The following VWF variants were observed in gnomAD, a reference collection of about 807,000 sequenced individuals.
VWF encodes the protein Factor VIII related antigen.
In VWF, 176 loss-of-function variants were observed where a neutral mutation model predicts 308.6. The observed-to-expected ratio is 0.57, with a 90% CI of 0.50 to 0.65. The LOEUF is 0.65. VWF is among the 30% of genes least tolerant of loss of function. The pLI is 0.00. For synonymous variants in VWF, 1,385 were observed against 1,443.4 expected (o/e 0.96, Z 0.92); for missense variants, 3,146 against 3,648.2 (o/e 0.86, Z 3.55).
chr12:6,056,440 GGGTTT>G (rs1944579525), intron 15 of VWF, among the ~76,000 whole-genome samples: 2 of 152,080 alleles, frequency 1.3e-5, no homozygotes, highest in Admixed American at 1.3e-4. Flanking sequence ...TACAAGCAAA[GGGTTT>G]GTATGTGAAT....
intron 18 of VWF, among the ~76,000 whole-genome samples, chr12:6,039,928 A>G (rs1944379113): frequency 6.6e-6 from 1 of 152,090 alleles, no homozygotes; most frequent in African/African-American, 2.4e-5. Context: ...TTCAAACGGG[A>G]AGTCAGCATC....
At chr12:5,981,556 G>A (rs1483890581) in intron 42 of VWF, among the ~76,000 whole-genome samples, 1 of 152,166 alleles carries the variant, frequency 6.6e-6, no homozygotes, top group Non-Finnish European at 1.5e-5. Flanking sequence ...TTTCCACTCA[G>A]GCTGAGCTGG....
rs1417651109 is a variant in VWF at position 5,985,065 on chromosome 12, C to T, written c.6956G>A (p.Cys2319Tyr). 1 of 1,614,180 alleles carries T rather than the reference C, an allele frequency of 6.2e-7. No homozygotes were observed. Among genetic ancestry groups the T allele is most frequent in the East Asian group, 2.2e-5 (1 of 44,878 alleles). Residue 2319 changes from cysteine (C) to tyrosine (Y), a missense_variant, in exon 40 of 52, where the codon TGC becomes TAC. By Grantham distance (194) the Cys-to-Tyr change is radical (BLOSUM62 -2). Transcript: ENST00000261405. ...VARLRQNADQCCPEYECVCDP... is the reference protein window; with the variant it reads ...VARLRQNADQYCPEYECVCDP... The stretch of plus-strand genomic sequence containing the variant: ...CATACCACACTCATACTCGGGGCAG[C>T]ACTGGTCTGCATTCTGGCGGAGGCG...
At chr12:6,000,806 T>G (rs1328797108) in intron 34 of VWF, among the ~76,000 whole-genome samples, 5 of 104,990 alleles carry the variant, frequency 4.8e-5, no homozygotes. Flanking sequence ...AGCGAGACTC[T>G]GTCTCAAAAA....
chr12:5,964,237 T>TGC, intron 47 of VWF, among the ~76,000 whole-genome samples: 10 of 145,634 alleles, frequency 6.9e-5, no homozygotes, highest in African/African-American at 2.5e-4. Context: ...CATACATACA[T>TGC]ACATACATAC....
At chr12:6,057,511 T>TTATTA (rs1565847185) in intron 14 of VWF, among the ~76,000 whole-genome samples, 19 of 145,504 alleles carry the variant, frequency 1.3e-4, no homozygotes, top group Admixed American at 9.0e-4. Context: ...ATTATTATTA[T>TTATTA]TATTATTATT....
At chr12:5,999,595 A>G (rs1275382960) in intron 34 of VWF, among the ~76,000 whole-genome samples, 1 of 152,176 alleles carries the variant, frequency 6.6e-6, no homozygotes, top group African/African-American at 2.4e-5. Flanking sequence ...TGAACAGATT[A>G]AGCAAGTCCA....
intron 10 of VWF, among the ~76,000 whole-genome samples, chr12:6,070,662 GAGGTCATTGGA>G (rs1012197698): frequency 2.0e-5 from 3 of 152,244 alleles, no homozygotes; most frequent in Admixed American, 6.5e-5. Context: ...GGCAAGGTCT[GAGGTCATTGGA>G]AGGTGGGGCA....
intron 15 of VWF, among the ~76,000 whole-genome samples, chr12:6,056,524 C>T (rs1448778248): frequency 6.6e-6 from 1 of 152,296 alleles, no homozygotes; most frequent in East Asian, 1.9e-4. Context: ...ATTCGCTCCA[C>T]AGCCTGACCT....
At chr12:6,044,213 G>A (rs1944421758) in intron 18 of VWF, 78 bp downstream of exon 18, 3 of 1,568,428 alleles carry the variant, frequency 1.9e-6, no homozygotes, top group Non-Finnish European at 2.6e-6. Context: ...TCCTCTCTCT[G>A]GCTGCACAGC....
chr12:6,096,972 T>G (rs535512087), intron 5 of VWF, among the ~76,000 whole-genome samples: 16 of 152,018 alleles, frequency 1.1e-4, no homozygotes, highest in Non-Finnish European at 2.2e-4. Flanking sequence ...GGGGGTTTGA[T>G]AGGCAGAAAA....
chr12:6,108,575 A>G (rs1490469583), intron 5 of VWF, among the ~76,000 whole-genome samples: 5 of 151,446 alleles, frequency 3.3e-5, no homozygotes, highest in African/African-American at 9.7e-5. Flanking sequence ...TTGGGCATAC[A>G]TAGAACACTT....
rs774230893 is a variant in VWF at position 6,018,819 on chromosome 12, G to A, written c.4599C>T (p.Asp1533=). The change falls in exon 28 of 52, where the codon GAC becomes GAT. Residue 1533 remains aspartate (D), a synonymous_variant. Transcript: ENST00000261405. The part of the protein sequence containing the change: ...EVIQRMDVGQ[D]SIHVTVLQYS... ...ACTGCAGCACCGTGACGTGGATGCT[G>A]TCCTGGCCCACATCCATCCGCTGAA... The A allele has an allele frequency of 3.1e-6, 5 of 1,613,914 alleles. No individual in the cohort carries two copies. Among genetic ancestry groups the A allele is most frequent in the African/African-American group, 1.3e-5 (1 of 75,028 alleles).
chr12:6,045,267 A>C (rs1445172964), intron 17 of VWF, among the ~76,000 whole-genome samples: 1 of 152,240 alleles, frequency 6.6e-6, no homozygotes, highest in Non-Finnish European at 1.5e-5. Flanking sequence ...TTTGTATCAC[A>C]TACTCGCTCC....
intron 38 of VWF, among the ~76,000 whole-genome samples, chr12:5,986,693 C>T (rs1943683943): frequency 6.6e-6 from 1 of 152,162 alleles, no homozygotes; most frequent in South Asian, 2.1e-4. Context: ...ATGATAGCAG[C>T]TAACATTCAG....
At chr12:6,064,220 G>T in intron 12 of VWF, 26 bp downstream of exon 12, 1 of 1,614,020 alleles carries the variant, frequency 6.2e-7, no homozygotes. Flanking sequence ...CCAGCCCCAG[G>T]CCTGATGGAG....
In VWF at chr12:6,023,590, G is replaced by A. The variant is rs1163698322; in HGVS notation, c.3379+41C>T. On this transcript the variant is annotated intron_variant, in intron 25 of 51. Coordinates refer to ENST00000261405, the MANE Select transcript of VWF (RefSeq NM_000552.5). ...GTCTTCAAGCATAGACACATGGGAAGAAGGGAGGGCATCTGAGAACATGAG... is the reference window on the plus strand; with the variant it reads ...GTCTTCAAGCATAGACACATGGGAAAAAGGGAGGGCATCTGAGAACATGAG... The A allele has an allele frequency of 1.9e-6, 3 of 1,612,414 alleles. No individual in the cohort carries two copies. In the African/African-American group the frequency reaches 4.0e-5, roughly 22 times the overall value.
At chr12:6,068,835 C>CGTGTGTGTGTGT (rs34977515) in intron 10 of VWF, among the ~76,000 whole-genome samples, 21 of 91,310 alleles carry the variant, frequency 2.3e-4, no homozygotes, top group African/African-American at 9.0e-4. Flanking sequence ...TTTTTTTTTG[C>CGTGTGTGTGTGT]GTGTGTGTGT....
chr12:6,034,799 G>A lies in VWF; in HGVS notation c.2574C>T (p.Cys858=), dbSNP rs184227165. The change falls in exon 20 of 52, where the codon TGC becomes TGT. Residue 858 remains cysteine (C), a synonymous_variant. Transcript: ENST00000261405. ...ACGTGGCATCACACACATGGTCTGTGCAGTTCCACTTCCGGTCCTGACAGA... is the reference window on the plus strand; with the variant it reads ...ACGTGGCATCACACACATGGTCTGTACAGTTCCACTTCCGGTCCTGACAGA... ...TCVCQDRKWN[C]TDHVCDATCS... is the part of the protein sequence containing the mutation. The A allele has an allele frequency of 1.2e-6, 2 of 1,614,244 alleles. No homozygotes were observed. The highest frequency in any genetic ancestry group is 2.2e-5 in the East Asian group (1 of 44,890).
Sources: gnomAD v4.1 joint callset for allele counts (sites outside exome capture counted in the v4.1 genomes callset) on GRCh38, gnomAD v4.1.1 for gene constraint, MANE v1.5 for transcripts, NCBI Gene and HGNC (gene_info 2026-07-23, HGNC 2026-07-21) for gene names.